Variants in CNTNAP3B observed in about 807,000 individuals in gnomAD.
The protein encoded by CNTNAP3B is contactin associated protein family member 3B, also known as contactin-associated protein-like 3B.
In CNTNAP3B, 25 loss-of-function variants were observed where a neutral mutation model predicts 108.9. The observed-to-expected ratio is 0.23, with a 90% CI of 0.17 to 0.32. The LOEUF is 0.32. Among genes scored for constraint, CNTNAP3B ranks in the 10% least tolerant of loss-of-function variants. The pLI is 1.00. For synonymous variants in CNTNAP3B, 103 were observed against 473.4 expected (o/e 0.22, Z 10.16); for missense variants, 252 against 1,210.4 (o/e 0.21, Z 11.75).
chr9:42,070,408 AC>A (rs1827347849), intron 3 of CNTNAP3B, among the ~76,000 whole-genome samples: 1 of 149,434 alleles, frequency 6.7e-6, no homozygotes, highest in African/African-American at 2.5e-5. Context: ...TCCGCTGACC[AC>A]CTCTGGACCC....
At position 42,112,868 on chromosome 9, in the gene CNTNAP3B, GT is replaced by G. The variant is rs61267342; in HGVS notation, c.86-8130del. On this transcript the variant is annotated intron_variant, in intron 1 of 23. Transcript: ENST00000377561. ...GAAGACCTAGAGGAAAGTTTACAGA[GT>G]TTTTTTTTTTTTTTTTTTGAGACGG... Among the ~76,000 whole-genome samples, 108 of 95,508 alleles carry G rather than the reference GT, an allele frequency of 1.1e-3. 4 individuals carry two copies. Among genetic ancestry groups the G allele is most frequent in the African/African-American group, 2.0e-3 (45 of 22,772 alleles). 62.7% of individuals were successfully genotyped at this position (95,508 alleles called of 152,430 possible).
intron 3 of CNTNAP3B, among the ~76,000 whole-genome samples, chr9:42,059,979 T>C (rs890884919): frequency 6.6e-6 from 1 of 150,972 alleles, no homozygotes; most frequent in Admixed American, 6.6e-5. Flanking sequence ...AGAGGGACAA[T>C]TTAAATTCTG....
At position 42,066,103 on chromosome 9, in the gene CNTNAP3B, T is replaced by G. The variant is rs983117932; in HGVS notation, c.390+10766A>C. Among the ~76,000 whole-genome samples, 93 of 134,566 alleles carry G rather than the reference T, an allele frequency of 6.9e-4. 22 individuals carry two copies. Among genetic ancestry groups the G allele is most frequent in the African/African-American group, 2.7e-3 (90 of 33,618 alleles). The allele number at this position is 134,566 out of a possible 152,430, so 88.3% of individuals were successfully genotyped here. On this transcript the variant is annotated intron_variant, in intron 3 of 23. Transcript: ENST00000377561. Reference sequence around the variant, plus strand: ...TGAATGAACATTCTTCAAAGTAAAATTTTGAATTACATCATTTTATTATGG... The same window carrying G: ...TGAATGAACATTCTTCAAAGTAAAAGTTTGAATTACATCATTTTATTATGG...
chr9:42,121,284 T>C (rs1202190874), intron 1 of CNTNAP3B, among the ~76,000 whole-genome samples: 3 of 139,174 alleles, frequency 2.2e-5, no homozygotes, highest in Non-Finnish European at 4.6e-5. Context: ...TTGGTGGATT[T>C]TTCTTCTCTA....
chr9:41,937,789 C>G (rs746722669), intron 14 of CNTNAP3B, among the ~76,000 whole-genome samples: 853 of 147,516 alleles, frequency 5.8e-3, no homozygotes, highest in Non-Finnish European at 9.4e-3. Context: ...TAAACACAGT[C>G]CTTTTATGCA....
chr9:42,056,326 T>TATTA (rs1554753496), intron 3 of CNTNAP3B, among the ~76,000 whole-genome samples: 1 of 129,112 alleles, frequency 7.7e-6, no homozygotes, highest in African/African-American at 3.0e-5. Context: ...TCTCATGAAT[T>TATTA]TTATTATTAT....
chr9:42,043,172 CTTT>C (rs34086655), intron 3 of CNTNAP3B, among the ~76,000 whole-genome samples: 2 of 82,562 alleles, frequency 2.4e-5, no homozygotes, highest in East Asian at 4.6e-4. Context: ...TTCTTTTATT[CTTT>C]TTTTTTTTTT....
At chr9:41,965,607 G>T (rs1167027250) in intron 10 of CNTNAP3B, among the ~76,000 whole-genome samples, 1 of 150,806 alleles carries the variant, frequency 6.6e-6, no homozygotes, top group Non-Finnish European at 1.5e-5. Flanking sequence ...CTGGTAAAGA[G>T]TGAAGATTCT....
Position 41,929,530 on chromosome 9 carries a change from C to G in CNTNAP3B, c.2238-86G>C. The G allele has an allele frequency of 8.8e-6, 13 of 1,481,864 alleles. 2 individuals are homozygous for G. The highest frequency in any genetic ancestry group is 1.2e-5 in the Non-Finnish European group (13 of 1,100,686). The allele number at this position is 1,481,864 out of a possible 1,614,324, so 91.8% of individuals were successfully genotyped here. A position where few individuals can be genotyped will look rare whatever the true frequency, so the allele number is the denominator to read the frequency against. ...TCTGATCTCTTATCTCAATTTGAAA[C>G]TAACATCATAGAGCTTAACAGAATA... On this transcript the variant is annotated intron_variant, in intron 14 of 23. Transcript: ENST00000377561.
chr9:42,043,973 T>C (rs1826813563), intron 3 of CNTNAP3B, among the ~76,000 whole-genome samples: 1 of 112,354 alleles, frequency 8.9e-6, no homozygotes, highest in Non-Finnish European at 1.9e-5. Flanking sequence ...CTGAGTAATG[T>C]GATGAAAACA....
intron 15 of CNTNAP3B, among the ~76,000 whole-genome samples, chr9:41,926,958 G>A (rs1823837482): frequency 6.6e-6 from 1 of 152,310 alleles, no homozygotes; most frequent in Non-Finnish European, 1.5e-5. Context: ...GTATCAATAG[G>A]CAGGGGAAAA....
chr9:41,939,594 T>TA (rs1331839781), intron 13 of CNTNAP3B, among the ~76,000 whole-genome samples: 1 of 152,292 alleles, frequency 6.6e-6, no homozygotes, highest in Non-Finnish European at 1.5e-5. Context: ...AGCTTGTCAC[T>TA]ACAACGTAAA....
chr9:41,929,097 A>T (rs1823902449), intron 15 of CNTNAP3B, among the ~76,000 whole-genome samples: 2 of 147,174 alleles, frequency 1.4e-5, no homozygotes, highest in African/African-American at 5.1e-5. Flanking sequence ...GTAATAAGTT[A>T]AAACAAAGAT....
At position 42,121,902 on chromosome 9, in the gene CNTNAP3B, TC is replaced by T. The variant is rs1268700866; in HGVS notation, c.85+7107del. On this transcript the variant is annotated intron_variant, in intron 1 of 23. Transcript: ENST00000377561. Reference sequence around the variant, plus strand: ...TTGTTTCATGGTTGCGGCAGAAGACTCCTGGGTCAAAGCAAAGGACTGTATT... The same window carrying T: ...TTGTTTCATGGTTGCGGCAGAAGACTCTGGGTCAAAGCAAAGGACTGTATT... 5.0e-5 allele frequency among the ~76,000 whole-genome samples: 7 copies of T among 140,312 alleles called. 1 individual carries two copies. The highest frequency in any genetic ancestry group is 1.4e-4 in the Admixed American group (2 of 14,142). 92.1% of individuals were successfully genotyped at this position (140,312 alleles called of 152,430 possible).
At chr9:42,070,504 G>A (rs1827350344) in intron 3 of CNTNAP3B, among the ~76,000 whole-genome samples, 1 of 142,784 alleles carries the variant, frequency 7.0e-6, no homozygotes, top group African/African-American at 2.7e-5. Flanking sequence ...GACTCACTGT[G>A]TCGCTGCCCA....
chr9:42,128,063 A>G lies in CNTNAP3B; in HGVS notation c.85+947T>C, dbSNP rs1828610664. On this transcript the variant is annotated intron_variant, in intron 1 of 23. Coordinates refer to ENST00000377561, the MANE Select transcript of CNTNAP3B (RefSeq NM_001201380.3). The stretch of plus-strand genomic sequence containing the variant: ...AAAGAAAAATAAAAGTGATTTGAGA[A>G]GGAGGAGGAAGACATTTTAAAAATT... Among the ~76,000 whole-genome samples, 4 of 139,334 alleles carry G rather than the reference A, an allele frequency of 2.9e-5. No individual in the cohort carries two copies. The South Asian group carries it at 9.3e-4, about 32-fold the overall frequency. The allele number at this position is 139,334 out of a possible 152,430, so 91.4% of individuals were successfully genotyped here. A position where few individuals can be genotyped will look rare whatever the true frequency, so the allele number is the denominator to read the frequency against.
chr9:42,041,799 C>T (rs4535776), intron 3 of CNTNAP3B, among the ~76,000 whole-genome samples: 9,663 of 80,066 alleles, frequency 0.12, 211 homozygotes, highest in East Asian at 0.25. Context: ...GTGTTTATTG[C>T]GACACTATCT....
rs1823740396 is a variant in CNTNAP3B at position 41,924,024 on chromosome 9, TCTC to T, written c.2432_2434del (p.Gly811del). On this transcript the variant is annotated inframe_deletion, in exon 16 of 24. Transcript: ENST00000377561. The stretch of plus-strand genomic sequence containing the variant: ...AAAGAAGCACACGTCAGCAGTGAGT[TCTC>T]CGTGGAAAGCAGGGAAATGAAGGTA... 1 of 1,612,010 alleles carries T rather than the reference TCTC, an allele frequency of 6.2e-7. No homozygotes were observed. The highest frequency in any genetic ancestry group is 1.3e-5 in the African/African-American group (1 of 74,884).
At position 41,994,654 on chromosome 9, in the gene CNTNAP3B, C is replaced by T. The variant is rs1413926241; in HGVS notation, c.1071+1551G>A. ...TTCTCCTTTACCTTCTTGGAAAGTT[C>T]ATGGGCTTCACAGCTGTTTTTCCCC... On this transcript the variant is annotated intron_variant, in intron 7 of 23. Transcript: ENST00000377561. The T allele has an allele frequency of 2.2e-5, 10 of 450,338 alleles. 1 individual carries two copies. Among genetic ancestry groups the T allele is most frequent in the Non-Finnish European group, 4.0e-5 (10 of 252,874 alleles). 27.9% of individuals were successfully genotyped at this position (450,338 alleles called of 1,614,324 possible). A position where few individuals can be genotyped will look rare whatever the true frequency, so the allele number is the denominator to read the frequency against.
Sources: allele counts gnomAD v4.1 joint callset (sites outside exome capture counted in the v4.1 genomes callset), GRCh38; gene constraint gnomAD v4.1.1; transcripts MANE v1.5; gene names NCBI Gene and HGNC (gene_info 2026-07-23, HGNC 2026-07-21).